NTRK2: variants seen among roughly 807,000 people sequenced by gnomAD.
NTRK2 encodes the protein BDNF/NT-3 growth factors receptor.
In NTRK2, 13 loss-of-function variants were observed where a neutral mutation model predicts 94.5. The ratio of observed to expected loss-of-function variants is 0.14; its 90% CI spans 0.09 to 0.22. The LOEUF (loss-of-function observed/expected upper bound fraction) is 0.22, where lower values mean the gene tolerates loss of function less well. Ranked by LOEUF, NTRK2 falls within the 10% of genes least tolerant of loss-of-function variation. NTRK2 has a pLI of 1.00. For missense variants in NTRK2, 639 were observed against 1,071.2 expected (o/e 0.60, Z 5.63); for synonymous variants, 372 against 407.4 (o/e 0.91, Z 1.05).
intron 15 of NTRK2, among the ~76,000 whole-genome samples, chr9:84,937,836 C>T (rs78719970): frequency 1.3e-5 from 2 of 152,178 alleles, no homozygotes; most frequent in African/African-American, 4.8e-5. Flanking sequence ...CTCCATCCAA[C>T]CTGTATTTCC....
intron 17 of NTRK2, among the ~76,000 whole-genome samples, chr9:85,010,048 C>G (rs1435299638): frequency 6.6e-6 from 1 of 152,230 alleles, no homozygotes; most frequent in East Asian, 1.9e-4. Context: ...GACAGCTACT[C>G]TCTCTACTTG....
At chr9:84,899,007 C>A (rs1261898424) in intron 14 of NTRK2, among the ~76,000 whole-genome samples, 1 of 152,138 alleles carries the variant, frequency 6.6e-6, no homozygotes, top group African/African-American at 2.4e-5. Context: ...TGAACAAAGG[C>A]TTGCTTAATA....
intron 17 of NTRK2, among the ~76,000 whole-genome samples, chr9:84,971,824 GC>G (rs1400099524): frequency 6.6e-6 from 1 of 152,126 alleles, no homozygotes; most frequent in Non-Finnish European, 1.5e-5. Flanking sequence ...AGACTTATAA[GC>G]TATTTAGGAG....
chr9:84,886,125 A>G (rs1052316592), intron 14 of NTRK2, among the ~76,000 whole-genome samples: 10 of 152,228 alleles, frequency 6.6e-5, no homozygotes, highest in Non-Finnish European at 1.2e-4. Context: ...TCAAGACTAT[A>G]TACTTTCATA....
At chr9:84,909,472 T>A (rs1332379009) in intron 14 of NTRK2, among the ~76,000 whole-genome samples, 1 of 151,938 alleles carries the variant, frequency 6.6e-6, no homozygotes, top group Non-Finnish European at 1.5e-5. Context: ...AGTTGCATCT[T>A]TAGTTTTAGT....
intron 9 of NTRK2, among the ~76,000 whole-genome samples, chr9:84,741,046 A>G (rs982622582): frequency 3.9e-5 from 6 of 152,228 alleles, no homozygotes; most frequent in African/African-American, 1.4e-4. Flanking sequence ...AACAAAATTT[A>G]ATTTCATTTC....
chr9:84,873,608 T>C, intron 14 of NTRK2: 1 of 1,053,260 alleles, frequency 9.5e-7, no homozygotes, highest in East Asian at 5.3e-5. Flanking sequence ...CAACTTGAGT[T>C]TCTTAAAAGA....
intron 12 of NTRK2, among the ~76,000 whole-genome samples, chr9:84,791,113 A>G (rs2068682549): frequency 2.0e-5 from 3 of 152,206 alleles, no homozygotes; most frequent in Admixed American, 2.0e-4. Context: ...AAAATAAGTG[A>G]AATGTTCTTT....
intron 14 of NTRK2, among the ~76,000 whole-genome samples, chr9:84,913,968 C>A (rs900965821): frequency 6.6e-6 from 1 of 151,866 alleles, no homozygotes; most frequent in Non-Finnish European, 1.5e-5. Flanking sequence ...CCTGAGGCTC[C>A]ATTTCTTTAG....
At chr9:84,689,294 G>C (rs2059904991) in intron 2 of NTRK2, among the ~76,000 whole-genome samples, 1 of 152,252 alleles carries the variant, frequency 6.6e-6, no homozygotes, top group Admixed American at 6.5e-5. Context: ...CCTTTGGCTT[G>C]TCTGTGCATT....
intron 17 of NTRK2, among the ~76,000 whole-genome samples, chr9:84,983,857 G>A (rs1279583141): frequency 1.3e-5 from 2 of 152,190 alleles, no homozygotes; most frequent in African/African-American, 4.8e-5. Flanking sequence ...TAGGTGAGCA[G>A]ATTTGAACTC....
intron 14 of NTRK2, chr9:84,873,828 G>C (rs1479759333): frequency 9.5e-7 from 1 of 1,057,736 alleles, no homozygotes; most frequent in Non-Finnish European, 1.1e-6. Flanking sequence ...AGACCTCCTA[G>C]AGGAAACACT....
At chr9:84,816,778 C>CAAAAAAAA (rs61094948) in intron 12 of NTRK2, among the ~76,000 whole-genome samples, 2 of 82,648 alleles carry the variant, frequency 2.4e-5, no homozygotes, top group African/African-American at 4.9e-5. Flanking sequence ...GACTCCATCT[C>CAAAAAAAA]AAAAAAAAAA....
intron 9 of NTRK2, among the ~76,000 whole-genome samples, chr9:84,741,047 A>T (rs1419223998): frequency 6.6e-6 from 1 of 152,214 alleles, no homozygotes; most frequent in East Asian, 1.9e-4. Flanking sequence ...ACAAAATTTA[A>T]TTTCATTTCC....
At chr9:84,967,827 G>A (rs1373981218) in intron 17 of NTRK2, among the ~76,000 whole-genome samples, 2 of 152,256 alleles carry the variant, frequency 1.3e-5, no homozygotes, top group Admixed American at 1.3e-4. Context: ...CCGGGGTTAA[G>A]GGCGTGGAGG....
At chr9:84,849,035 C>A (rs2074617563) in intron 12 of NTRK2, among the ~76,000 whole-genome samples, 1 of 152,172 alleles carries the variant, frequency 6.6e-6, no homozygotes. Flanking sequence ...CTTAGGCATA[C>A]ATATTGGAGT....
chr9:84,917,420 C>T (rs1564462058), intron 14 of NTRK2, among the ~76,000 whole-genome samples: 1 of 152,094 alleles, frequency 6.6e-6, no homozygotes, highest in African/African-American at 2.4e-5. Flanking sequence ...CTGGGCCGGG[C>T]AGCTTCTTGG....
At chr9:84,678,363 C>T (rs916466900) in intron 2 of NTRK2, among the ~76,000 whole-genome samples, 4 of 152,174 alleles carry the variant, frequency 2.6e-5, no homozygotes, top group African/African-American at 9.7e-5. Flanking sequence ...GATATCTTCT[C>T]AACATAAACG....
At position 84,710,630 on chromosome 9, in the gene NTRK2, C is replaced by T. The variant is rs199815711; in HGVS notation, c.429-7C>T. 2 of 1,614,044 alleles carry T rather than the reference C, an allele frequency of 1.2e-6. No homozygotes were observed. The highest frequency in any genetic ancestry group is 4.5e-5 in the East Asian group (2 of 44,870). ...ACTTGATCTGTTGTCATTTTTGTTC[C>T]CTGTAGGATCCTGGTGGGCAATCCA... On this transcript the variant is annotated splice_region_variant and splice_polypyrimidine_tract_variant and intron_variant, in intron 5 of 18. Transcript: ENST00000277120.
Sources: gnomAD v4.1 joint callset for allele counts (sites outside exome capture counted in the v4.1 genomes callset) on GRCh38, gnomAD v4.1.1 for gene constraint, MANE v1.5 for transcripts, NCBI Gene and HGNC (gene_info 2026-07-23, HGNC 2026-07-21) for gene names.